ARIH2: variants seen among roughly 807,000 people sequenced by gnomAD.
ARIH2 encodes ariadne RBR E3 ubiquitin protein ligase 2.
A neutral mutation model predicts 79.8 loss-of-function variants in ARIH2; 12 were observed. The observed-to-expected ratio is 0.15, with a 90% confidence interval of 0.10 to 0.24. The LOEUF (loss-of-function observed/expected upper bound fraction) is 0.24, where lower values mean the gene tolerates loss of function less well. Ranked by LOEUF, ARIH2 falls within the 10% of genes least tolerant of loss-of-function variation. The pLI is 1.00. For synonymous variants in ARIH2, 224 were observed against 213.9 expected (o/e 1.05, Z -0.41); for missense variants, 301 against 618.3 (o/e 0.49, Z 5.44).
intron 11 of ARIH2, among the ~76,000 whole-genome samples, chr3:48,979,165 A>G (rs1291301415): frequency 6.6e-6 from 1 of 152,196 alleles, no homozygotes; most frequent in East Asian, 1.9e-4. Flanking sequence ...TCCTTCTTAT[A>G]GTGGCATTGA....
At chr3:48,949,770 A>G (rs961053682) in intron 3 of ARIH2, among the ~76,000 whole-genome samples, 3 of 151,874 alleles carry the variant, frequency 2.0e-5, no homozygotes, top group Non-Finnish European at 4.4e-5. Flanking sequence ...GAATTATTTT[A>G]TCAGATGTAT....
chr3:48,969,501 T>G (rs986102745), intron 7 of ARIH2, among the ~76,000 whole-genome samples: 14 of 151,778 alleles, frequency 9.2e-5, no homozygotes, highest in Non-Finnish European at 1.5e-5. Context: ...CTTTTTTTTT[T>G]TTGGAGACAG....
intron 7 of ARIH2, among the ~76,000 whole-genome samples, chr3:48,969,398 G>A (rs181552920): frequency 1.1e-4 from 16 of 152,108 alleles, no homozygotes; most frequent in Admixed American, 2.0e-4. Context: ...AGGATTCAGC[G>A]TGGTCACTTT....
Position 48,983,349 on chromosome 3 carries a change from T to C in ARIH2, c.*79T>C. 6.9e-7 allele frequency: 1 copy of C among 1,444,152 alleles called. No individual in the cohort carries two copies. Among genetic ancestry groups the C allele is most frequent in the East Asian group, 2.3e-5 (1 of 44,108 alleles). The allele number at this position is 1,444,152 out of a possible 1,614,324, so 89.5% of individuals were successfully genotyped here. A position where few individuals can be genotyped will look rare whatever the true frequency, so the allele number is the denominator to read the frequency against. On this transcript the variant is annotated 3_prime_UTR_variant, in exon 16 of 16. Coordinates refer to ENST00000356401, the MANE Select transcript of ARIH2 (RefSeq NM_006321.4). ...CTGCCATACTGCATGCTGCAGGCTCTGCCTTTCATGACCCCAGGCAACAGC... is the reference window on the plus strand; with the variant it reads ...CTGCCATACTGCATGCTGCAGGCTCCGCCTTTCATGACCCCAGGCAACAGC...
At chr3:48,973,952 C>T (rs2092378429) in intron 9 of ARIH2, 136 bp downstream of exon 9, 1 of 615,448 alleles carries the variant, frequency 1.6e-6, no homozygotes, top group African/African-American at 1.8e-5. Context: ...TTTGGGGACC[C>T]TCACACAGAG....
chr3:48,927,980 C>G (rs1046794709), intron 3 of ARIH2, 167 bp downstream of exon 3: 1 of 822,824 alleles, frequency 1.2e-6, no homozygotes, highest in Middle Eastern at 3.3e-4. Flanking sequence ...ACTTTGTTTT[C>G]TAATATATGC....
intron 3 of ARIH2, among the ~76,000 whole-genome samples, chr3:48,958,044 G>A (rs115869698): frequency 2.5e-4 from 38 of 152,150 alleles, no homozygotes; most frequent in African/African-American, 7.7e-4. Context: ...CTATTCGAGG[G>A]GTAAACTGAC....
In ARIH2 at chr3:48,986,039, A is replaced by G. The variant is rs983120529; in HGVS notation, c.*2769A>G. 1 of 152,150 alleles carries G rather than the reference A, an allele frequency of 6.6e-6. No individual in the cohort carries two copies. The highest frequency in any genetic ancestry group is 1.5e-5 in the Non-Finnish European group (1 of 68,130). The allele number at this position is 152,150 out of a possible 1,614,324, so 9.4% of individuals were successfully genotyped here. A position where few individuals can be genotyped will look rare whatever the true frequency, so the allele number is the denominator to read the frequency against. On this transcript the variant is annotated 3_prime_UTR_variant, in exon 16 of 16. Coordinates refer to ENST00000356401, the MANE Select transcript of ARIH2 (RefSeq NM_006321.4). ...AGGACAGGAAATGAGGTTTGGATTGATTAAGGGGGTCCACATTTGTGGTGT... is the reference window on the plus strand; with the variant it reads ...AGGACAGGAAATGAGGTTTGGATTGGTTAAGGGGGTCCACATTTGTGGTGT...
In ARIH2 at chr3:48,978,421, A is replaced by ATGTGTGTGTG. The variant is rs1188251261; in HGVS notation, c.962-1025_962-1016dup. ...GCCACCACACCTGGCTAATTTGTGT[A>ATGTGTGTGTG]TGTGTGTGTGTGTGTGTGTGTGTGT... On this transcript the variant is annotated intron_variant, in intron 11 of 15. Transcript: ENST00000356401. Among the ~76,000 whole-genome samples the ATGTGTGTGTG allele has an allele frequency of 2.7e-4, 15 of 55,760 alleles. 1 individual carries two copies. The highest frequency in any genetic ancestry group is 7.8e-4 in the Admixed American group (3 of 3,858). 36.6% of individuals were successfully genotyped at this position (55,760 alleles called of 152,430 possible). A position where few individuals can be genotyped will look rare whatever the true frequency, so the allele number is the denominator to read the frequency against.
rs768746772 is a variant in ARIH2 at position 48,967,272 on chromosome 3, G to A, written c.535G>A (p.Val179Met). Residue 179 changes from valine to methionine, a missense_variant, in exon 6 of 16, where the codon GTG becomes ATG. This residue lies in a region of ARIH2 where 223 missense variants were observed against 349.4 expected (regional missense o/e 0.64). Coordinates refer to ENST00000356401, the MANE Select transcript of ARIH2 (RefSeq NM_006321.4). ...CSVLVKDGVG[V>M]GVSCMAQDCP... ...AGTTCTCGTCAAGGACGGCGTGGGC[G>A]TGGGTGAGTCTGCCACAAAACTTAT... 13 of 1,613,660 alleles carry A rather than the reference G, an allele frequency of 8.1e-6. No individual in the cohort carries two copies. The highest frequency in any genetic ancestry group is 1.1e-5 in the Non-Finnish European group (13 of 1,179,744).
intron 6 of ARIH2, 104 bp from the exon 7 acceptor site, chr3:48,968,430 A>C: frequency 8.7e-7 from 1 of 1,155,118 alleles, no homozygotes; most frequent in Non-Finnish European, 1.3e-6. Flanking sequence ...ACTGGTCTCG[A>C]ACTCCCGACC....
chr3:48,980,653 C>A (rs562857458), intron 13 of ARIH2, among the ~76,000 whole-genome samples, 157 bp downstream of exon 13: 71 of 151,986 alleles, frequency 4.7e-4, no homozygotes, highest in Non-Finnish European at 9.3e-4. Flanking sequence ...ATGTGCTGTG[C>A]CCATTAAGGA....
chr3:48,925,765 C>T (rs565982560), intron 2 of ARIH2, among the ~76,000 whole-genome samples: 3 of 149,930 alleles, frequency 2.0e-5, no homozygotes, highest in Non-Finnish European at 4.4e-5. Context: ...TGTTGCCAGG[C>T]TGCAGTACAG....
intron 2 of ARIH2, chr3:48,926,739 G>C (rs1576120073): frequency 6.6e-6 from 1 of 151,382 alleles, no homozygotes; most frequent in African/African-American, 2.4e-5. Context: ...TAGTAGAGAT[G>C]GGGTTTCGCC....
At chr3:48,934,585 G>C (rs2086858605) in intron 3 of ARIH2, 2 of 985,276 alleles carry the variant, frequency 2.0e-6, no homozygotes, top group African/African-American at 3.5e-5. Flanking sequence ...GTAGAACTTA[G>C]GTTAAATTCC....
At chr3:48,977,892 C>G (rs1418801833) in intron 11 of ARIH2, among the ~76,000 whole-genome samples, 1 of 152,144 alleles carries the variant, frequency 6.6e-6, no homozygotes, top group Admixed American at 6.5e-5. Flanking sequence ...TTTGGCTTCC[C>G]TAAAATGATT....
chr3:48,925,370 C>T (rs918526535), intron 2 of ARIH2, among the ~76,000 whole-genome samples: 2 of 151,836 alleles, frequency 1.3e-5, no homozygotes, highest in Non-Finnish European at 2.9e-5. Flanking sequence ...GCCTCGGCCT[C>T]CCAAAGTGCT....
chr3:48,976,403 G>T (rs1244092895), intron 11 of ARIH2, among the ~76,000 whole-genome samples: 1 of 151,804 alleles, frequency 6.6e-6, no homozygotes, highest in African/African-American at 2.4e-5. Flanking sequence ...TATAGATGCG[G>T]TTTCACCATG....
chr3:48,958,083 TC>T (rs1258649049), intron 3 of ARIH2, among the ~76,000 whole-genome samples: 3 of 152,070 alleles, frequency 2.0e-5, no homozygotes, highest in Non-Finnish European at 2.9e-5. Context: ...AGGTCAAAAC[TC>T]CCGTGCTGCA....
Sources: allele counts gnomAD v4.1 joint callset (sites outside exome capture counted in the v4.1 genomes callset), GRCh38; gene constraint gnomAD v4.1.1; regional missense constraint gnomAD v4.1.1; transcripts MANE v1.5; gene names NCBI Gene and HGNC (gene_info 2026-07-23, HGNC 2026-07-21).